Variants in NBEA observed in about 807,000 individuals in gnomAD.
NBEA encodes lysosomal-trafficking regulator 2.
In NBEA, 44 loss-of-function variants were observed where a neutral mutation model predicts 343.4. That is an observed-to-expected ratio of 0.13 (90% CI 0.10 to 0.16). The LOEUF (loss-of-function observed/expected upper bound fraction) is 0.16. Among genes scored for constraint, NBEA ranks in the 10% least tolerant of loss-of-function variants. NBEA has a pLI of 1.00. For synonymous variants in NBEA, 1,175 were observed against 1,238.7 expected (o/e 0.95, Z 1.08); for missense variants, 2,555 against 3,631.3 (o/e 0.70, Z 7.62).
chr13:35,201,815 G>T (rs2073042026), intron 31 of NBEA, among the ~76,000 whole-genome samples: 1 of 152,036 alleles, frequency 6.6e-6, no homozygotes, highest in Non-Finnish European at 1.5e-5. Flanking sequence ...CAGAAAAGGT[G>T]CATCTCCATT....
chr13:35,645,284 A>C (rs1427586005), intron 49 of NBEA, among the ~76,000 whole-genome samples: 1 of 152,246 alleles, frequency 6.6e-6, no homozygotes, highest in South Asian at 2.1e-4. Flanking sequence ...GCATGGTAGC[A>C]GAGTAATGAT....
intron 41 of NBEA, among the ~76,000 whole-genome samples, chr13:35,488,783 C>A (rs1307490103): frequency 6.6e-6 from 1 of 151,838 alleles, no homozygotes; most frequent in Non-Finnish European, 1.5e-5. Flanking sequence ...TTGTTTTCTT[C>A]AAGTGCAGTG....
intron 26 of NBEA, among the ~76,000 whole-genome samples, chr13:35,172,784 C>T (rs1282903431): frequency 2.6e-5 from 4 of 152,112 alleles, no homozygotes; most frequent in Admixed American, 2.6e-4. Flanking sequence ...ATAGTTTAAG[C>T]AGCTAGCCTA....
At chr13:35,423,526 A>C (rs2044439029) in intron 38 of NBEA, among the ~76,000 whole-genome samples, 1 of 152,174 alleles carries the variant, frequency 6.6e-6, no homozygotes, top group South Asian at 2.1e-4. Context: ...TTTTGGTACC[A>C]GTACCATGCT....
chr13:35,408,161 A>C (rs2043377380), intron 38 of NBEA, among the ~76,000 whole-genome samples: 1 of 152,222 alleles, frequency 6.6e-6, no homozygotes, highest in African/African-American at 2.4e-5. Context: ...AAAAACAGAC[A>C]CATAGACCAA....
intron 45 of NBEA, among the ~76,000 whole-genome samples, chr13:35,582,217 C>T (rs1226487317): frequency 2.0e-5 from 3 of 152,020 alleles, no homozygotes; most frequent in Non-Finnish European, 2.9e-5. Flanking sequence ...ACCCAGGAGG[C>T]GGAGCTTGCA....
At chr13:35,019,553 T>C (rs1470413461) in intron 1 of NBEA, among the ~76,000 whole-genome samples, 2 of 152,054 alleles carry the variant, frequency 1.3e-5, no homozygotes, top group African/African-American at 4.8e-5. Context: ...CCTGCCTCGA[T>C]TAAAATTCTG....
chr13:35,130,316 T>C (rs1186852140), intron 17 of NBEA, among the ~76,000 whole-genome samples: 1 of 152,048 alleles, frequency 6.6e-6, no homozygotes, highest in Admixed American at 6.6e-5. Flanking sequence ...GTGAGTGATG[T>C]GGAAATGTAA....
At chr13:35,012,026 C>T (rs59665528) in intron 1 of NBEA, among the ~76,000 whole-genome samples, 2,344 of 152,242 alleles carry the variant, frequency 0.015, 65 homozygotes, top group African/African-American at 0.054. Context: ...GTAAGTTTTC[C>T]TCCGTATTTA....
chr13:34,970,419 A>G (rs2152498527), intron 1 of NBEA, among the ~76,000 whole-genome samples: 1 of 152,032 alleles, frequency 6.6e-6, no homozygotes, highest in East Asian at 1.9e-4. Flanking sequence ...CTTTTGTTGC[A>G]GTTGCTTTTG....
intron 34 of NBEA, among the ~76,000 whole-genome samples, chr13:35,276,079 C>A (rs1260127305): frequency 2.6e-5 from 4 of 152,136 alleles, no homozygotes; most frequent in Non-Finnish European, 5.9e-5. Flanking sequence ...TGACTGAATA[C>A]ATGTAATTTT....
chr13:35,403,790 A>G (rs1274106051), intron 38 of NBEA, among the ~76,000 whole-genome samples: 1 of 152,134 alleles, frequency 6.6e-6, no homozygotes, highest in South Asian at 2.1e-4. Context: ...CTGCACAGCA[A>G]AAGAAACTAC....
At chr13:35,057,185 T>TA (rs1477311756) in intron 7 of NBEA, among the ~76,000 whole-genome samples, 1 of 152,150 alleles carries the variant, frequency 6.6e-6, no homozygotes, top group African/African-American at 2.4e-5. Flanking sequence ...TATAAGAACT[T>TA]ACCTCTTAAA....
intron 36 of NBEA, among the ~76,000 whole-genome samples, chr13:35,341,467 T>C (rs544591289): frequency 1.8e-4 from 28 of 152,110 alleles, no homozygotes; most frequent in African/African-American, 6.5e-4. Context: ...ACAGCAGAAT[T>C]GAAATCAATG....
At chr13:35,242,990 C>T (rs2030574107) in intron 34 of NBEA, among the ~76,000 whole-genome samples, 1 of 151,674 alleles carries the variant, frequency 6.6e-6, no homozygotes, top group South Asian at 2.1e-4. Context: ...AGACATATTA[C>T]AAATATGAAA....
intron 40 of NBEA, among the ~76,000 whole-genome samples, chr13:35,457,217 G>A (rs187446829): frequency 7.2e-4 from 109 of 152,054 alleles, no homozygotes; most frequent in Middle Eastern, 3.4e-3. Flanking sequence ...TCACTGGCCA[G>A]TCATATCATC....
At chr13:35,368,672 G>A (rs1026620974) in intron 38 of NBEA, among the ~76,000 whole-genome samples, 1 of 151,414 alleles carries the variant, frequency 6.6e-6, no homozygotes, top group Non-Finnish European at 1.5e-5. Context: ...GTGGCTGTCT[G>A]AACGATTTTT....
At chr13:35,355,564 C>T (rs568135955) in intron 38 of NBEA, among the ~76,000 whole-genome samples, 7 of 152,208 alleles carry the variant, frequency 4.6e-5, no homozygotes, top group South Asian at 2.1e-4. Flanking sequence ...TTCTTTTGAA[C>T]GCTTGCTGCA....
chr13:35,610,386 C>T (rs1195662407), intron 48 of NBEA, among the ~76,000 whole-genome samples: 1 of 151,926 alleles, frequency 6.6e-6, no homozygotes. Flanking sequence ...CCACTGCACT[C>T]CACCAGAGCA....
Sources: gnomAD v4.1 joint callset for allele counts (sites outside exome capture counted in the v4.1 genomes callset) on GRCh38, gnomAD v4.1.1 for gene constraint, MANE v1.5 for transcripts, NCBI Gene and HGNC (gene_info 2026-07-23, HGNC 2026-07-21) for gene names.